LTBP1: variants seen among roughly 807,000 people sequenced by gnomAD.
LTBP1 encodes the protein latent transforming growth factor beta binding protein 1.
A neutral mutation model predicts 207.6 loss-of-function variants in LTBP1; 129 were observed. That is an observed-to-expected ratio of 0.62 (90% CI 0.54 to 0.72). LTBP1 has a LOEUF of 0.72. Among genes scored for constraint, LTBP1 ranks in the 30% least tolerant of loss-of-function variants. The pLI, the probability that LTBP1 is intolerant of heterozygous loss-of-function variation, is 0.00. For missense variants in LTBP1, 2,281 were observed against 2,217.2 expected (o/e 1.03, Z -0.58); for synonymous variants, 963 against 833.7 (o/e 1.16, Z -2.67).
chr2:33,146,986 TAATG>T lies in LTBP1; in HGVS notation c.1201+12029_1201+12032del, dbSNP rs201846481. Among the ~76,000 whole-genome samples, 17 of 152,334 alleles carry T rather than the reference TAATG, an allele frequency of 1.1e-4. No individual in the cohort carries two copies. The East Asian group carries it at 2.9e-3, about 26-fold the overall frequency. The stretch of plus-strand genomic sequence containing the variant: ...GTTTTGCTAGAGGTTATCAGTGACT[TAATG>T]AAGCCCCTGGAAGGAGAAGTGGATT... On this transcript the variant is annotated intron_variant, in intron 5 of 33. Coordinates refer to ENST00000404816, the MANE Select transcript of LTBP1 (RefSeq NM_206943.4).
chr2:33,044,740 A>G lies in LTBP1; in HGVS notation c.863+23534A>G, dbSNP rs550268205. Among the ~76,000 whole-genome samples the G allele has an allele frequency of 1.1e-4, 17 of 152,204 alleles. No individual in the cohort carries two copies. In the South Asian group the frequency reaches 1.9e-3, roughly 17 times the overall value. ...TTACATTCCCACCAACAGTGTAAAA[A>G]TGTTCCTATTTCTCCACATCCTCTC... On this transcript the variant is annotated intron_variant, in intron 3 of 33. Coordinates refer to ENST00000404816, the MANE Select transcript of LTBP1 (RefSeq NM_206943.4).
At chr2:33,106,389 A>T (rs2080067949) in intron 3 of LTBP1, among the ~76,000 whole-genome samples, 1 of 152,246 alleles carries the variant, frequency 6.6e-6, no homozygotes, top group Non-Finnish European at 1.5e-5. Flanking sequence ...CTTTGCCCAG[A>T]TCCATCAGAG....
chr2:32,981,934 G>A (rs1171862158), intron 2 of LTBP1, among the ~76,000 whole-genome samples: 5 of 152,134 alleles, frequency 3.3e-5, no homozygotes, highest in African/African-American at 9.7e-5. Context: ...TTTCTTAATA[G>A]CAGTATGAAA....
intron 5 of LTBP1, 43 bp from the exon 6 acceptor site, chr2:33,186,813 G>T: frequency 2.7e-6 from 4 of 1,484,612 alleles, no homozygotes; most frequent in Non-Finnish European, 3.8e-6. Flanking sequence ...CTTAGCCTCT[G>T]AGAGACTAAC....
intron 2 of LTBP1, among the ~76,000 whole-genome samples, chr2:32,956,072 T>C (rs1678027654): frequency 6.6e-6 from 1 of 152,218 alleles, no homozygotes. Context: ...TAATTAAAAA[T>C]ATTTTGTTAC....
Position 33,118,536 on chromosome 2 carries a change from A to G in LTBP1, c.1033+7785A>G, listed in dbSNP as rs766820221. ...TGGATGTTAGTACTAAAGATTCCTGAAAGAAAGGCGTCTGCTTTTCAATGA... is the reference window on the plus strand; with the variant it reads ...TGGATGTTAGTACTAAAGATTCCTGGAAGAAAGGCGTCTGCTTTTCAATGA... On this transcript the variant is annotated intron_variant, in intron 4 of 33. Coordinates refer to ENST00000404816, the MANE Select transcript of LTBP1 (RefSeq NM_206943.4). Among the ~76,000 whole-genome samples, 84 of 152,206 alleles carry G rather than the reference A, an allele frequency of 5.5e-4. 1 individual carries two copies. Among genetic ancestry groups the G allele is most frequent in the Non-Finnish European group, 9.7e-4 (66 of 68,044 alleles).
At chr2:32,982,825 G>T (rs756200466) in intron 2 of LTBP1, among the ~76,000 whole-genome samples, 2 of 152,246 alleles carry the variant, frequency 1.3e-5, no homozygotes, top group African/African-American at 2.4e-5. Context: ...GATTTCAAAG[G>T]ATGTATGGAA....
intron 31 of LTBP1, 33 bp from the exon 32 acceptor site, chr2:33,389,151 G>C (rs749986224): frequency 3.0e-5 from 48 of 1,613,552 alleles, no homozygotes; most frequent in South Asian, 2.9e-4. Flanking sequence ...AGCTAACAGT[G>C]GTGGGGCCTC....
At chr2:33,075,154 G>A (rs538697575) in intron 3 of LTBP1, among the ~76,000 whole-genome samples, 100 of 152,306 alleles carry the variant, frequency 6.6e-4, no homozygotes, top group African/African-American at 1.9e-3. Context: ...GCCAACTGCT[G>A]AGCATCTCTA....
intron 3 of LTBP1, among the ~76,000 whole-genome samples, chr2:33,051,841 G>A (rs2076762063): frequency 6.6e-6 from 1 of 152,138 alleles, no homozygotes; most frequent in Non-Finnish European, 1.5e-5. Context: ...AGTCCTAGAA[G>A]GCCTATCAAC....
intron 18 of LTBP1, among the ~76,000 whole-genome samples, chr2:33,279,116 A>G (rs1195529497): frequency 6.6e-6 from 1 of 152,240 alleles, no homozygotes; most frequent in Non-Finnish European, 1.5e-5. Flanking sequence ...TAAAGGTCAT[A>G]TATACATTGT....
intron 5 of LTBP1, among the ~76,000 whole-genome samples, chr2:33,143,751 C>A (rs1299940839): frequency 5.9e-5 from 9 of 151,634 alleles, no homozygotes; most frequent in Admixed American, 5.9e-4. Context: ...ACCTTAAGTT[C>A]CATTTCAAAC....
Position 33,252,727 on chromosome 2 carries a change from A to C in LTBP1, c.2050A>C (p.Ser684Arg), listed in dbSNP as rs765775665. Residue 684 changes from serine (S) to arginine (R), a missense_variant, in exon 11 of 34, where the codon AGT (serine) becomes CGT (arginine). By Grantham distance (110) the Ser-to-Arg change is moderately radical. Transcript: ENST00000404816. ...EEKGPCYRLV[S>R]SGRQCMHPLS... is the part of the protein sequence containing the mutation. ...GAAAGGGCCCTGTTACCGACTTGTCAGTTCTGGAAGACAGTGTATGCACCC... is the reference window on the plus strand; with the variant it reads ...GAAAGGGCCCTGTTACCGACTTGTCCGTTCTGGAAGACAGTGTATGCACCC... 1 of 1,613,820 alleles carries C rather than the reference A, an allele frequency of 6.2e-7. No individual in the cohort carries two copies.
At chr2:33,169,253 G>A (rs560838829) in intron 5 of LTBP1, among the ~76,000 whole-genome samples, 25 of 152,116 alleles carry the variant, frequency 1.6e-4, no homozygotes, top group Non-Finnish European at 2.6e-4. Flanking sequence ...CCCTTCTTTA[G>A]CTTGCATTCT....
At chr2:33,368,706 A>G (rs914706883) in intron 31 of LTBP1, among the ~76,000 whole-genome samples, 1 of 152,176 alleles carries the variant, frequency 6.6e-6, no homozygotes, top group African/African-American at 2.4e-5. Context: ...GTGAAACCCC[A>G]TCTCTACAAA....
At chr2:33,103,115 C>T (rs1212862488) in intron 3 of LTBP1, among the ~76,000 whole-genome samples, 2 of 151,308 alleles carry the variant, frequency 1.3e-5, no homozygotes, top group East Asian at 3.9e-4. Flanking sequence ...ATTCTCTATG[C>T]TGTGTGCACT....
chr2:33,239,935 T>A (rs1191417996), intron 9 of LTBP1, among the ~76,000 whole-genome samples: 1 of 151,348 alleles, frequency 6.6e-6, no homozygotes, highest in Admixed American at 6.6e-5. Flanking sequence ...AATAAATAAA[T>A]AAAAATATGA....
At chr2:33,055,887 C>G (rs557626888) in intron 3 of LTBP1, among the ~76,000 whole-genome samples, 1 of 152,226 alleles carries the variant, frequency 6.6e-6, no homozygotes, top group South Asian at 2.1e-4. Flanking sequence ...TGCTTATTTC[C>G]TTCTGGGCAG....
intron 23 of LTBP1, among the ~76,000 whole-genome samples, chr2:33,309,949 C>CTT (rs397984258): frequency 0.23 from 31,540 of 136,252 alleles, 4,635 homozygotes; most frequent in Non-Finnish European, 0.33. Context: ...CCCGCCATTG[C>CTT]TTTTTTTTTT....
Sources: allele counts gnomAD v4.1 joint callset (sites outside exome capture counted in the v4.1 genomes callset), GRCh38; gene constraint gnomAD v4.1.1; transcripts MANE v1.5; gene names NCBI Gene and HGNC (gene_info 2026-07-23, HGNC 2026-07-21).